Variants in PCDHGB2 observed in about 807,000 individuals in gnomAD.
The protein encoded by PCDHGB2 is protocadherin gamma subfamily B, 2, also known as protocadherin gamma-B2.
A neutral mutation model predicts 59.3 loss-of-function variants in PCDHGB2; 55 were observed. The ratio of observed to expected loss-of-function variants is 0.93; its 90% CI spans 0.75 to 1.16. The LOEUF is 1.16. PCDHGB2 is among the 50% of genes most tolerant of loss of function. The pLI is 0.00. For missense variants in PCDHGB2, 1,228 were observed against 1,198.5 expected (o/e 1.02, Z -0.36); for synonymous variants, 516 against 512.0 (o/e 1.01, Z -0.11).
At chr5:141,371,794 C>T (rs776687123) in intron 1 of PCDHGB2, 2 of 1,613,950 alleles carry the variant, frequency 1.2e-6, no homozygotes, top group South Asian at 2.2e-5. Context: ...AACAATCCGC[C>T]TGGAGCCTCC....
intron 1 of PCDHGB2, among the ~76,000 whole-genome samples, chr5:141,473,583 A>G (rs905824343): frequency 6.6e-6 from 1 of 152,226 alleles, no homozygotes; most frequent in Non-Finnish European, 1.5e-5. Flanking sequence ...CTAAGACCAG[A>G]CAGACCTGTA....
chr5:141,375,967 G>C (rs200712802), intron 1 of PCDHGB2: 9 of 1,613,254 alleles, frequency 5.6e-6, no homozygotes, highest in East Asian at 2.2e-5. Flanking sequence ...AGGTGCGCAC[G>C]GCGCGCGCCC....
At position 141,431,604 on chromosome 5, in the gene PCDHGB2, G is replaced by A; in HGVS notation, c.2422-63203G>A. On this transcript the variant is annotated intron_variant, in intron 1 of 3. Coordinates refer to ENST00000522605, the MANE Select transcript of PCDHGB2 (RefSeq NM_018923.3). The surrounding 1 kb of genome is among the most constrained non-coding windows in gnomAD (Gnocchi z 4.8). ...AATGCGGAAGTGAGGTATTCCTTCCGGTATGTGGACGACAAGGCGGCCCAA... is the reference window on the plus strand; with the variant it reads ...AATGCGGAAGTGAGGTATTCCTTCCAGTATGTGGACGACAAGGCGGCCCAA... 8 of 1,614,206 alleles carry A rather than the reference G, an allele frequency of 5.0e-6. No individual in the cohort carries two copies. Among genetic ancestry groups the A allele is most frequent in the Non-Finnish European group, 6.8e-6 (8 of 1,180,046 alleles).
chr5:141,384,598 C>CA (rs756705007), intron 1 of PCDHGB2: 4 of 1,614,256 alleles, frequency 2.5e-6, no homozygotes, highest in Non-Finnish European at 2.5e-6. Flanking sequence ...GTACCCGGCC[C>CA]TCCCCACAGA....
intron 1 of PCDHGB2, chr5:141,366,217 G>A: frequency 1.9e-6 from 3 of 1,613,788 alleles, no homozygotes; most frequent in South Asian, 2.2e-5. Context: ...TGCGCACAGC[G>A]CGAGCCCTGC....
chr5:141,399,619 G>C (rs749025661), intron 1 of PCDHGB2: 1 of 1,613,902 alleles, frequency 6.2e-7, no homozygotes, highest in Non-Finnish European at 8.5e-7. Context: ...TCTGGCACTG[G>C]CCTCTTACGT....
At chr5:141,447,829 T>A (rs2098552664) in intron 1 of PCDHGB2, among the ~76,000 whole-genome samples, 1 of 152,214 alleles carries the variant, frequency 6.6e-6, no homozygotes. Context: ...CTCACGCCTG[T>A]AATCCCAGTG....
At position 141,489,097 on chromosome 5, in the gene PCDHGB2, C is replaced by A; in HGVS notation, c.2422-5710C>A. ...ACCCCCGCCACTCGGTGACTAAGAA[C>A]TGCTGCAAGCAGGCAAACCTCCGAG... On this transcript the variant is annotated intron_variant, in intron 1 of 3. Transcript: ENST00000522605. This position sits in a 1 kb window ranked among gnomAD's most constrained non-coding sequence, Gnocchi z 4.5. The A allele has an allele frequency of 2.6e-5, 8 of 313,358 alleles. No homozygotes were observed. Among genetic ancestry groups the A allele is most frequent in the Non-Finnish European group, 3.5e-5 (6 of 172,456 alleles). The allele number at this position is 313,358 out of a possible 1,614,324, so 19.4% of individuals were successfully genotyped here. A position where few individuals can be genotyped will look rare whatever the true frequency, so the allele number is the denominator to read the frequency against.
In PCDHGB2 at chr5:141,476,691, A is replaced by G; in HGVS notation, c.2422-18116A>G. 6.2e-7 allele frequency: 1 copy of G among 1,614,224 alleles called. No individual in the cohort carries two copies. Among genetic ancestry groups the G allele is most frequent in the Non-Finnish European group, 8.5e-7 (1 of 1,180,050 alleles). The stretch of plus-strand genomic sequence containing the variant: ...GTGCAGACGCGGGAGGACAGCACCA[A>G]GTACGCGGAGCTGGTGTTGGAGCGC... On this transcript the variant is annotated intron_variant, in intron 1 of 3. Transcript: ENST00000522605. This position sits in a 1 kb window ranked among gnomAD's most constrained non-coding sequence, Gnocchi z 7.6.
chr5:141,400,106 T>A (rs771937544), intron 1 of PCDHGB2: 1 of 1,613,950 alleles, frequency 6.2e-7, no homozygotes, highest in African/African-American at 1.3e-5. Context: ...CACTTGGTCT[T>A]TGCTGACAGC....
intron 1 of PCDHGB2, chr5:141,383,303 C>A (rs1445366017): frequency 5.0e-6 from 8 of 1,613,892 alleles, no homozygotes; most frequent in Non-Finnish European, 6.8e-6. Flanking sequence ...AGATTCTTGA[C>A]GGAAGAAATA....
At chr5:141,430,448 G>T in intron 1 of PCDHGB2, 1 of 192,294 alleles carries the variant, frequency 5.2e-6, no homozygotes. Flanking sequence ...ATCCCCTTTT[G>T]AAGAACAGTA....
intron 2 of PCDHGB2, 141 bp downstream of exon 2, chr5:141,495,006 G>A (rs1030195663): frequency 1.3e-6 from 2 of 1,521,564 alleles, no homozygotes; most frequent in Non-Finnish European, 1.8e-6. Flanking sequence ...CTTGGTGTGC[G>A]GGGGGCTGGC....
intron 1 of PCDHGB2, chr5:141,417,942 C>T (rs1324501154): frequency 2.5e-6 from 4 of 1,613,090 alleles, no homozygotes; most frequent in South Asian, 1.1e-5. Context: ...TTCTACCCCA[C>T]GCTGTGTGAG....
intron 1 of PCDHGB2, chr5:141,388,461 G>C (rs1423485997): frequency 6.2e-7 from 1 of 1,613,762 alleles, no homozygotes; most frequent in Admixed American, 1.7e-5. Context: ...TAAATACCCT[G>C]AGATGGTATT....
At position 141,361,482 on chromosome 5, in the gene PCDHGB2, C is replaced by T. The variant is rs759187963; in HGVS notation, c.1347C>T (p.Ala449=). The stretch of plus-strand genomic sequence containing the variant: ...ACATCTCCGACGTCAACGATAATGC[C>T]CCAGTTTTCCAACAGACTTCCTACA... ...TLHISDVNDN[A]PVFQQTSYMV... is the part of the protein sequence containing the mutation. Residue 449 remains alanine, a synonymous_variant, in exon 1 of 4, where the codon GCC becomes GCT. Coordinates refer to ENST00000522605, the MANE Select transcript of PCDHGB2 (RefSeq NM_018923.3). 1.4e-5 allele frequency: 23 copies of T among 1,613,870 alleles called. No homozygotes were observed. In the Admixed American group the frequency reaches 3.2e-4, roughly 22 times the overall value.
Position 141,410,620 on chromosome 5 carries a change from G to A in PCDHGB2, c.2421+48064G>A, listed in dbSNP as rs765125633. 4 of 1,603,524 alleles carry A rather than the reference G, an allele frequency of 2.5e-6. No homozygotes were observed. In the South Asian group the frequency reaches 3.3e-5, roughly 13 times the overall value. On this transcript the variant is annotated intron_variant, in intron 1 of 3. Coordinates refer to ENST00000522605, the MANE Select transcript of PCDHGB2 (RefSeq NM_018923.3). The stretch of plus-strand genomic sequence containing the variant: ...CTTCACATCCTGAGACTCTGACTTC[G>A]GTGAGTTTCTCTTTTTTGTGTGTGA...
At chr5:141,464,008 G>A (rs1484928987) in intron 1 of PCDHGB2, among the ~76,000 whole-genome samples, 6 of 151,674 alleles carry the variant, frequency 4.0e-5, no homozygotes, top group Non-Finnish European at 7.4e-5. Flanking sequence ...GCTCATGCTT[G>A]TAATCCCACA....
chr5:141,387,207 T>A (rs986621045), intron 1 of PCDHGB2, among the ~76,000 whole-genome samples: 1 of 152,136 alleles, frequency 6.6e-6, no homozygotes, highest in Non-Finnish European at 1.5e-5. Flanking sequence ...TTACTGATAC[T>A]CTCCGGAAAA....
Sources: allele counts gnomAD v4.1 joint callset (sites outside exome capture counted in the v4.1 genomes callset), GRCh38; gene constraint gnomAD v4.1.1; non-coding constraint Gnocchi (gnomAD v3.1); transcripts MANE v1.5; gene names NCBI Gene and HGNC (gene_info 2026-07-23, HGNC 2026-07-21).